Variants in RNF182 observed in about 807,000 individuals in gnomAD.
RNF182 encodes E3 ubiquitin-protein ligase RNF182.
Under a neutral mutation model 14.4 loss-of-function variants are expected in RNF182, and 15 were observed. The observed-to-expected ratio is 1.04, with a 90% CI of 0.70 to 1.60. The LOEUF is 1.60. Among genes scored for constraint, RNF182 ranks in the 40% most tolerant of loss-of-function variants. The pLI is 0.00. For missense variants in RNF182, 268 were observed against 294.8 expected (o/e 0.91, Z 0.67); for synonymous variants, 128 against 122.9 (o/e 1.04, Z -0.27).
At chr6:13,944,927 A>G (rs1211001813) in intron 1 of RNF182, among the ~76,000 whole-genome samples, 6 of 152,074 alleles carry the variant, frequency 3.9e-5, no homozygotes, top group African/African-American at 1.2e-4. Flanking sequence ...TACATTAATA[A>G]CAGTTAAGAT....
intron 1 of RNF182, among the ~76,000 whole-genome samples, chr6:13,962,300 G>A (rs747445628): frequency 6.6e-6 from 1 of 152,136 alleles, no homozygotes; most frequent in Non-Finnish European, 1.5e-5. Flanking sequence ...AGGAACATCG[G>A]GTTTTGTGAA....
intron 1 of RNF182, among the ~76,000 whole-genome samples, chr6:13,938,175 A>ATTTTTTTTTTTTT (rs1169253099): frequency 1.1e-5 from 1 of 92,700 alleles, no homozygotes; most frequent in African/African-American, 4.3e-5. Context: ...AATTTTTTGT[A>ATTTTTTTTTTTTT]TTTTTTTTTT....
At chr6:13,972,564 T>A (rs1176415111) in intron 1 of RNF182, among the ~76,000 whole-genome samples, 1 of 152,146 alleles carries the variant, frequency 6.6e-6, no homozygotes, top group Non-Finnish European at 1.5e-5. Flanking sequence ...CCTAGGGCCT[T>A]GCTGCTTTGT....
At chr6:13,955,498 T>C (rs1759704301) in intron 1 of RNF182, among the ~76,000 whole-genome samples, 1 of 152,228 alleles carries the variant, frequency 6.6e-6, no homozygotes, top group Admixed American at 6.5e-5. Flanking sequence ...AGGAGTTCAT[T>C]TTGTTTTTTA....
intron 1 of RNF182, among the ~76,000 whole-genome samples, chr6:13,960,357 C>G (rs1177862797): frequency 2.6e-5 from 4 of 152,102 alleles, no homozygotes; most frequent in Non-Finnish European, 5.9e-5. Context: ...TAAAACCTAA[C>G]TTGGCCAGGT....
chr6:13,938,004 GTT>G (rs70989897), intron 1 of RNF182, among the ~76,000 whole-genome samples: 1 of 79,598 alleles, frequency 1.3e-5, no homozygotes, highest in African/African-American at 5.1e-5. Flanking sequence ...TTTTCTTACT[GTT>G]TTTTTTTTTT....
At chr6:13,965,671 C>A (rs1411577921) in intron 1 of RNF182, among the ~76,000 whole-genome samples, 1 of 152,162 alleles carries the variant, frequency 6.6e-6, no homozygotes, top group Non-Finnish European at 1.5e-5. Context: ...TTTCTGCAGG[C>A]CATGGAGATG....
Position 13,947,405 on chromosome 6 carries a change from T to C in RNF182, c.-367+22382T>C, listed in dbSNP as rs540889338. Reference sequence around the variant, plus strand: ...GTTGGCAAAATAAATTTTAGTCTTATTGTATGTGGACTGATTTGTTGGCAA... The same window carrying C: ...GTTGGCAAAATAAATTTTAGTCTTACTGTATGTGGACTGATTTGTTGGCAA... On this transcript the variant is annotated intron_variant, in intron 1 of 2. Transcript: ENST00000488300. 3.3e-5 allele frequency among the ~76,000 whole-genome samples: 5 copies of C among 152,304 alleles called. No homozygotes were observed. The South Asian group carries it at 1.0e-3, about 32-fold the overall frequency.
In RNF182 at chr6:13,980,258, CA is replaced by C. The variant is rs746491907; in HGVS notation, c.*2396del. 1.6e-5 allele frequency: 2 copies of C among 124,050 alleles called. No individual in the cohort carries two copies. The highest frequency in any genetic ancestry group is 4.4e-4 in the East Asian group (2 of 4,578). The allele number at this position is 124,050 out of a possible 1,614,324, so 7.7% of individuals were successfully genotyped here. On this transcript the variant is annotated 3_prime_UTR_variant, in exon 3 of 3. Transcript: ENST00000488300. ...TTTATTTTATTTATTTATTTTAAAG[CA>C]GGGGAGAAAAATTAGGGGAGATGAA...
intron 1 of RNF182, among the ~76,000 whole-genome samples, chr6:13,968,526 G>A (rs1365298966): frequency 6.6e-6 from 1 of 152,192 alleles, no homozygotes; most frequent in Admixed American, 6.5e-5. Flanking sequence ...AACTGTTCCA[G>A]AAGATGAATA....
At chr6:13,966,174 G>T (rs1760023821) in intron 1 of RNF182, among the ~76,000 whole-genome samples, 1 of 152,156 alleles carries the variant, frequency 6.6e-6, no homozygotes, top group South Asian at 2.1e-4. Context: ...CTGTCAGGAG[G>T]AAATTTATTA....
At chr6:13,963,424 A>G (rs1377080574) in intron 1 of RNF182, among the ~76,000 whole-genome samples, 3 of 152,208 alleles carry the variant, frequency 2.0e-5, no homozygotes, top group African/African-American at 7.2e-5. Flanking sequence ...AGTGGCTGGA[A>G]ACAACAGCCA....
Position 13,977,677 on chromosome 6 carries a change from G to T in RNF182, c.558G>T (p.Val186=), listed in dbSNP as rs762477344. The change falls in exon 3 of 3, where the codon GTG becomes GTT. Residue 186 remains valine, a synonymous_variant. Coordinates refer to ENST00000488300, the MANE Select transcript of RNF182 (RefSeq NM_152737.4). ...LLFQTSIRVL[V]WLLGLLYFSS... Reference sequence around the variant, plus strand: ...TTCAGACATCCATCCGGGTGTTAGTGTGGTTGCTAGGTTTGCTCTACTTCA... The same window carrying T: ...TTCAGACATCCATCCGGGTGTTAGTTTGGTTGCTAGGTTTGCTCTACTTCA... 21 of 1,614,044 alleles carry T rather than the reference G, an allele frequency of 1.3e-5. No individual in the cohort carries two copies. The South Asian group carries it at 2.3e-4, about 18-fold the overall frequency.
chr6:13,963,331 G>A (rs1053524399), intron 1 of RNF182, among the ~76,000 whole-genome samples: 4 of 152,118 alleles, frequency 2.6e-5, no homozygotes, highest in African/African-American at 9.7e-5. Flanking sequence ...TAATTTCTTT[G>A]GGCAGAGATT....
intron 1 of RNF182, among the ~76,000 whole-genome samples, chr6:13,961,824 C>T (rs73364313): frequency 0.017 from 2,577 of 152,196 alleles, 53 homozygotes; most frequent in African/African-American, 0.051. Context: ...TCTGGAATTG[C>T]TCCTTATGCT....
At chr6:13,973,306 G>C (rs1315339090) in intron 1 of RNF182, among the ~76,000 whole-genome samples, 1 of 152,184 alleles carries the variant, frequency 6.6e-6, no homozygotes, top group Non-Finnish European at 1.5e-5. Flanking sequence ...TCTCAGATGA[G>C]ACTTTGGACT....
chr6:13,944,999 T>C (rs1759402438), intron 1 of RNF182, among the ~76,000 whole-genome samples: 1 of 152,184 alleles, frequency 6.6e-6, no homozygotes. Flanking sequence ...TTAATAAACA[T>C]TGAGGAGTGA....
chr6:13,976,411 T>G (rs1342489699), intron 2 of RNF182, among the ~76,000 whole-genome samples: 1 of 152,234 alleles, frequency 6.6e-6, no homozygotes, highest in Admixed American at 6.5e-5. Context: ...TATGCTCTTA[T>G]CTCTATCAAA....
At chr6:13,941,430 C>T (rs1421403681) in intron 1 of RNF182, among the ~76,000 whole-genome samples, 1 of 151,988 alleles carries the variant, frequency 6.6e-6, no homozygotes, top group Non-Finnish European at 1.5e-5. Context: ...TTTCCTGACT[C>T]TATTTTTAGT....
Sources: allele counts gnomAD v4.1 joint callset (sites outside exome capture counted in the v4.1 genomes callset), GRCh38; gene constraint gnomAD v4.1.1; transcripts MANE v1.5; gene names NCBI Gene and HGNC (gene_info 2026-07-23, HGNC 2026-07-21).